Variants in TMEM108 observed in about 807,000 individuals in gnomAD.
The protein encoded by TMEM108 is cancer/testis antigen 124.
Under a neutral mutation model 35.1 loss-of-function variants are expected in TMEM108, and 12 were observed. The ratio of observed to expected loss-of-function variants is 0.34; its 90% CI spans 0.22 to 0.55. The LOEUF (loss-of-function observed/expected upper bound fraction) is 0.55, where lower values mean the gene tolerates loss of function less well. Among genes scored for constraint, TMEM108 ranks in the 20% least tolerant of loss-of-function variants. The pLI is 0.89. For missense variants in TMEM108, 680 were observed against 753.3 expected, an observed-to-expected ratio of 0.90 and a Z score of 1.14; for synonymous variants, 287 against 308.6, an observed-to-expected ratio of 0.93 and a Z score of 0.73.
chr3:133,131,934 A>G (rs1483456082), intron 2 of TMEM108, among the ~76,000 whole-genome samples: 1 of 152,188 alleles, frequency 6.6e-6, no homozygotes, highest in Non-Finnish European at 1.5e-5. Flanking sequence ...TAGATAATAT[A>G]TAGAGAGAAG....
chr3:133,243,713 C>T (rs954497003), intron 3 of TMEM108, among the ~76,000 whole-genome samples: 5 of 151,950 alleles, frequency 3.3e-5, no homozygotes, highest in African/African-American at 2.4e-5. Flanking sequence ...TTAGTAGAGA[C>T]GGGGTTTCAC....
intron 2 of TMEM108, among the ~76,000 whole-genome samples, chr3:133,157,884 G>A (rs1944903059): frequency 1.3e-5 from 2 of 152,198 alleles, no homozygotes; most frequent in African/African-American, 4.8e-5. Context: ...ACAATTAGCT[G>A]AGTGTGACTC....
At chr3:133,213,957 A>G (rs1398745754) in intron 2 of TMEM108, among the ~76,000 whole-genome samples, 1 of 152,234 alleles carries the variant, frequency 6.6e-6, no homozygotes, top group African/African-American at 2.4e-5. Flanking sequence ...ATATGACACT[A>G]GATTTAACAG....
At chr3:133,329,975 G>A (rs73207716) in intron 3 of TMEM108, among the ~76,000 whole-genome samples, 6,678 of 152,118 alleles carry the variant, frequency 0.044, 191 homozygotes, top group Non-Finnish European at 0.064. Context: ...GTTCTCCAAG[G>A]AATGAGTTTC....
chr3:133,138,871 G>T (rs902225022), intron 2 of TMEM108, among the ~76,000 whole-genome samples: 3 of 151,850 alleles, frequency 2.0e-5, no homozygotes, highest in Non-Finnish European at 4.4e-5. Flanking sequence ...CCATCAACCC[G>T]TGTTCATCTA....
chr3:133,332,036 A>G (rs1198547079), intron 3 of TMEM108, among the ~76,000 whole-genome samples: 2 of 152,038 alleles, frequency 1.3e-5, no homozygotes, highest in Non-Finnish European at 2.9e-5. Context: ...TGTTGGTTGG[A>G]AGAAAACTTG....
At chr3:133,215,652 C>G (rs1220421839) in intron 2 of TMEM108, among the ~76,000 whole-genome samples, 1 of 151,942 alleles carries the variant, frequency 6.6e-6, no homozygotes, top group East Asian at 1.9e-4. Flanking sequence ...TGTATTTTTA[C>G]TGAATTTATA....
chr3:133,264,266 C>T (rs1946665446), intron 3 of TMEM108, among the ~76,000 whole-genome samples: 1 of 151,900 alleles, frequency 6.6e-6, no homozygotes, highest in African/African-American at 2.4e-5. Flanking sequence ...AATTGTGCCA[C>T]TGTATTTCGG....
At chr3:133,161,458 C>T (rs1944960591) in intron 2 of TMEM108, among the ~76,000 whole-genome samples, 1 of 152,088 alleles carries the variant, frequency 6.6e-6, no homozygotes, top group Admixed American at 6.6e-5. Context: ...TGTTGTATCT[C>T]CAATGCCTAG....
At chr3:133,281,773 A>G (rs1946916285) in intron 3 of TMEM108, among the ~76,000 whole-genome samples, 1 of 152,202 alleles carries the variant, frequency 6.6e-6, no homozygotes, top group South Asian at 2.1e-4. Flanking sequence ...CTACTGCGTA[A>G]GAGGGTGGGT....
chr3:133,065,275 C>T (rs1383694931), intron 2 of TMEM108, among the ~76,000 whole-genome samples: 4 of 147,818 alleles, frequency 2.7e-5, no homozygotes, highest in Non-Finnish European at 6.0e-5. Context: ...TAAACACTTA[C>T]ATAGGTAGCC....
At chr3:133,176,549 A>G (rs1011966679) in intron 2 of TMEM108, among the ~76,000 whole-genome samples, 19 of 152,222 alleles carry the variant, frequency 1.2e-4, no homozygotes, top group Non-Finnish European at 1.6e-4. Flanking sequence ...AAACTGAACA[A>G]CCTGCTCCTG....
At chr3:133,154,129 T>C (rs1944841954) in intron 2 of TMEM108, among the ~76,000 whole-genome samples, 1 of 152,150 alleles carries the variant, frequency 6.6e-6, no homozygotes, top group Admixed American at 6.6e-5. Context: ...CACTTTTTGA[T>C]GGGGTTGTTT....
At chr3:133,368,232 G>A (rs1024612974) in intron 3 of TMEM108, among the ~76,000 whole-genome samples, 1 of 152,118 alleles carries the variant, frequency 6.6e-6, no homozygotes, top group African/African-American at 2.4e-5. Flanking sequence ...GTGTGCCTAG[G>A]TCCTTCATGA....
intron 3 of TMEM108, among the ~76,000 whole-genome samples, chr3:133,272,610 T>C (rs1576425647): frequency 6.6e-6 from 1 of 152,274 alleles, no homozygotes; most frequent in Non-Finnish European, 1.5e-5. Flanking sequence ...GGCACACATC[T>C]GTCAGCATAG....
At chr3:133,145,875 T>C (rs1222841981) in intron 2 of TMEM108, among the ~76,000 whole-genome samples, 1 of 152,182 alleles carries the variant, frequency 6.6e-6, no homozygotes, top group Non-Finnish European at 1.5e-5. Context: ...GCTGAGACGA[T>C]GGGGTTTTCT....
rs574533997 is a variant in TMEM108, at chr3:133,306,558, G to A, written c.41-73194G>A. The stretch of plus-strand genomic sequence containing the variant: ...CAGTTCCCAGTGTGTGATGTTCACC[G>A]CCCTGTGTCCAAGTGTTGTCATTGT... On this transcript the variant is annotated intron_variant, in intron 3 of 5. Coordinates refer to ENST00000321871, the MANE Select transcript of TMEM108 (RefSeq NM_023943.4). 1.7e-3 allele frequency among the ~76,000 whole-genome samples: 255 copies of A among 151,918 alleles called. 1 individual carries two copies. The highest frequency in any genetic ancestry group is 3.0e-3 in the Non-Finnish European group (206 of 67,982).
intron 2 of TMEM108, among the ~76,000 whole-genome samples, chr3:133,213,779 TC>T (rs1423745520): frequency 1.3e-5 from 2 of 152,208 alleles, no homozygotes; most frequent in Non-Finnish European, 2.9e-5. Flanking sequence ...GGACCTTTCT[TC>T]CTGGAGTCAT....
chr3:133,240,405 G>A (rs1946296338), intron 3 of TMEM108, among the ~76,000 whole-genome samples: 1 of 152,124 alleles, frequency 6.6e-6, no homozygotes, highest in African/African-American at 2.4e-5. Context: ...TAAAACAAAA[G>A]TTTAATAAGA....
Sources: allele counts gnomAD v4.1 joint callset (sites outside exome capture counted in the v4.1 genomes callset), GRCh38; gene constraint gnomAD v4.1.1; transcripts MANE v1.5; gene names NCBI Gene and HGNC (gene_info 2026-07-23, HGNC 2026-07-21).